HTR7: variants seen among roughly 807,000 people sequenced by gnomAD.
HTR7 encodes 5-hydroxytryptamine receptor 7, also known as 5-HT-7.
A neutral mutation model predicts 34.0 loss-of-function variants in HTR7; 16 were observed. The observed-to-expected ratio is 0.47, with a 90% CI of 0.32 to 0.71. The LOEUF (loss-of-function observed/expected upper bound fraction) is 0.71. Ranked by LOEUF, HTR7 falls within the 30% of genes least tolerant of loss-of-function variation. HTR7 has a pLI of 0.04. For synonymous variants in HTR7, 265 were observed against 260.2 expected (o/e 1.02, Z -0.18); for missense variants, 504 against 625.5 (o/e 0.81, Z 2.07).
At chr10:90,824,687 G>T (rs1233323130) in intron 1 of HTR7, among the ~76,000 whole-genome samples, 9 of 152,198 alleles carry the variant, frequency 5.9e-5, no homozygotes, top group Admixed American at 2.6e-4. Flanking sequence ...ACCACAAGCT[G>T]ACTGAAAAGC....
intron 1 of HTR7, among the ~76,000 whole-genome samples, chr10:90,838,937 C>T (rs538136368): frequency 6.6e-6 from 1 of 152,220 alleles, no homozygotes; most frequent in Admixed American, 6.5e-5. Context: ...TTCTTATCTA[C>T]CTGTTTATTC....
intron 2 of HTR7, among the ~76,000 whole-genome samples, chr10:90,747,344 C>T (rs369859149): frequency 2.0e-5 from 3 of 152,186 alleles, no homozygotes; most frequent in African/African-American, 4.8e-5. Context: ...GTCAGTTCAA[C>T]GAACTCTTAT....
At chr10:90,778,939 C>A (rs1845265266) in intron 1 of HTR7, among the ~76,000 whole-genome samples, 1 of 152,212 alleles carries the variant, frequency 6.6e-6, no homozygotes, top group Non-Finnish European at 1.5e-5. Context: ...GGCACCCTGA[C>A]CTTTGCCTTG....
chr10:90,775,963 ATAT>A (rs1167246399), intron 1 of HTR7, among the ~76,000 whole-genome samples: 6 of 152,242 alleles, frequency 3.9e-5, no homozygotes, highest in Non-Finnish European at 7.3e-5. Context: ...TTTTAATAAT[ATAT>A]TTTTTCATAC....
intron 1 of HTR7, among the ~76,000 whole-genome samples, chr10:90,782,411 T>C (rs1845319378): frequency 6.6e-6 from 1 of 152,134 alleles, no homozygotes; most frequent in African/African-American, 2.4e-5. Context: ...TTCAATACAA[T>C]GCATGATACA....
At chr10:90,828,554 T>C (rs1328573963) in intron 1 of HTR7, among the ~76,000 whole-genome samples, 5 of 152,074 alleles carry the variant, frequency 3.3e-5, no homozygotes, top group Non-Finnish European at 5.9e-5. Flanking sequence ...CTCAAAGGAT[T>C]ATGAGAGGCT....
At chr10:90,836,894 T>C (rs1351755724) in intron 1 of HTR7, among the ~76,000 whole-genome samples, 1 of 152,186 alleles carries the variant, frequency 6.6e-6, no homozygotes, top group Non-Finnish European at 1.5e-5. Context: ...AGATAAGACA[T>C]AACAACTTAT....
intron 1 of HTR7, among the ~76,000 whole-genome samples, chr10:90,773,265 T>A (rs1258134005): frequency 6.6e-6 from 1 of 152,296 alleles, no homozygotes; most frequent in East Asian, 1.9e-4. Flanking sequence ...AAGTTCTACA[T>A]TAAGTCAAGA....
intron 1 of HTR7, among the ~76,000 whole-genome samples, chr10:90,787,209 G>T (rs779089696): frequency 6.6e-6 from 1 of 152,146 alleles, no homozygotes; most frequent in African/African-American, 2.4e-5. Flanking sequence ...AAGACAAACC[G>T]CTGGGCACAG....
chr10:90,762,707 C>A (rs886733827), intron 1 of HTR7, among the ~76,000 whole-genome samples: 3 of 152,054 alleles, frequency 2.0e-5, no homozygotes, highest in African/African-American at 7.2e-5. Flanking sequence ...AATATCACTG[C>A]CAATATCGAT....
chr10:90,837,575 A>G (rs1846272840), intron 1 of HTR7, among the ~76,000 whole-genome samples: 1 of 152,206 alleles, frequency 6.6e-6, no homozygotes, highest in Non-Finnish European at 1.5e-5. Flanking sequence ...TGTTGGCACT[A>G]AGCTCTTGAA....
At chr10:90,812,671 C>T (rs1446570330) in intron 1 of HTR7, among the ~76,000 whole-genome samples, 1 of 152,208 alleles carries the variant, frequency 6.6e-6, no homozygotes, top group African/African-American at 2.4e-5. Flanking sequence ...GGTTCCCAAG[C>T]CACCCCAATC....
chr10:90,801,584 C>A (rs545044462), intron 1 of HTR7, among the ~76,000 whole-genome samples: 2 of 152,172 alleles, frequency 1.3e-5, no homozygotes, highest in Non-Finnish European at 2.9e-5. Context: ...CTTTTTCTCC[C>A]ATTAATCTGC....
chr10:90,751,092 T>C (rs1332474793), intron 1 of HTR7, among the ~76,000 whole-genome samples: 1 of 152,162 alleles, frequency 6.6e-6, no homozygotes, highest in East Asian at 1.9e-4. Flanking sequence ...GGTTCTTCAT[T>C]TGCAAACTTC....
Position 90,798,586 on chromosome 10 carries a change from C to T in HTR7, c.540-48992G>A, listed in dbSNP as rs117380867. On this transcript the variant is annotated intron_variant, in intron 1 of 3. Transcript: ENST00000336152. The stretch of plus-strand genomic sequence containing the variant: ...AAAAATTTAGCCAAGTGTGGTGGCA[C>T]ATGCCTGAGTCCCAGCAACTCAGGG... Among the ~76,000 whole-genome samples, 599 of 152,282 alleles carry T rather than the reference C, an allele frequency of 3.9e-3. 3 individuals are homozygous for T. Among genetic ancestry groups the T allele is most frequent in the Non-Finnish European group, 7.1e-3 (484 of 68,020 alleles).
At chr10:90,843,731 A>T (rs1846365948) in intron 1 of HTR7, among the ~76,000 whole-genome samples, 2 of 131,424 alleles carry the variant, frequency 1.5e-5, no homozygotes, top group Non-Finnish European at 3.2e-5. Flanking sequence ...AAAGGGGGAA[A>T]GAAGGAAAGG....
chr10:90,844,376 A>T (rs1188887615), intron 1 of HTR7, among the ~76,000 whole-genome samples: 1 of 152,078 alleles, frequency 6.6e-6, no homozygotes, highest in African/African-American at 2.4e-5. Context: ...TTCCTAGGTG[A>T]CTCTGGTATG....
chr10:90,819,850 TA>T lies in HTR7; in HGVS notation c.539+37282del, dbSNP rs374696872. Among the ~76,000 whole-genome samples the T allele has an allele frequency of 2.0e-3, 286 of 141,474 alleles. 2 individuals are homozygous for T. The highest frequency in any genetic ancestry group is 7.4e-3 in the East Asian group (37 of 4,998). The allele number at this position is 141,474 out of a possible 152,430, so 92.8% of individuals were successfully genotyped here. The stretch of plus-strand genomic sequence containing the variant: ...AGGCTTATCCCAGAGATTCCCATCT[TA>T]AAAAAAAAAAAAGAACATCTTTTAA... On this transcript the variant is annotated intron_variant, in intron 1 of 3. Transcript: ENST00000336152.
At chr10:90,770,514 T>G (rs1173313785) in intron 1 of HTR7, among the ~76,000 whole-genome samples, 1 of 152,140 alleles carries the variant, frequency 6.6e-6, no homozygotes, top group African/African-American at 2.4e-5. Flanking sequence ...ACCAACCCCT[T>G]GGGTTGTCTG....
Sources: gnomAD v4.1 joint callset for allele counts (sites outside exome capture counted in the v4.1 genomes callset) on GRCh38, gnomAD v4.1.1 for gene constraint, MANE v1.5 for transcripts, NCBI Gene and HGNC (gene_info 2026-07-23, HGNC 2026-07-21) for gene names.